The following EYS variants were observed in gnomAD, a reference collection of about 807,000 sequenced individuals.
EYS encodes protein eyes shut homolog.
In EYS, 250 loss-of-function variants were observed where a neutral mutation model predicts 282.1. That is an observed-to-expected ratio of 0.89 (90% CI 0.80 to 0.98). EYS has a LOEUF of 0.98. Among genes scored for constraint, EYS ranks in the 50% least tolerant of loss-of-function variants. The pLI is 0.00. For synonymous variants in EYS, 1,355 were observed against 1,282.9 expected (o/e 1.06, Z -1.20); for missense variants, 4,016 against 3,709.0 (o/e 1.08, Z -2.15).
chr6:64,705,600 G>T (rs1770976025), intron 22 of EYS, among the ~76,000 whole-genome samples: 1 of 151,690 alleles, frequency 6.6e-6, no homozygotes, highest in Non-Finnish European at 1.5e-5. Flanking sequence ...ATGATAGACT[G>T]GGTTAAGAAA....
chr6:64,267,943 C>A (rs748305443), intron 30 of EYS, among the ~76,000 whole-genome samples: 1 of 152,032 alleles, frequency 6.6e-6, no homozygotes, highest in Non-Finnish European at 1.5e-5. Context: ...TGAACTGACA[C>A]CCTTTTTTTG....
intron 2 of EYS, among the ~76,000 whole-genome samples, chr6:65,553,183 T>C (rs1227065885): frequency 2.6e-5 from 4 of 152,162 alleles, no homozygotes; most frequent in African/African-American, 9.7e-5. Context: ...CCTAAAATGA[T>C]AACCTGACAT....
rs192013281 is a variant in EYS at position 64,340,476 on chromosome 6, G to A, written c.6079-33394C>T. Among the ~76,000 whole-genome samples, 260 of 151,816 alleles carry A rather than the reference G, an allele frequency of 1.7e-3. 2 individuals carry two copies. The highest frequency in any genetic ancestry group is 6.1e-3 in the African/African-American group (253 of 41,508). ...ACAAAAATGAGCAATGGAGAAAGAT[G>A]TCCATATTCAATAAATGGTGCTGGG... is the stretch of plus-strand genomic sequence containing the variant. On this transcript the variant is annotated intron_variant, in intron 29 of 42. Transcript: ENST00000503581.
At chr6:65,635,589 C>T (rs1372387309) in intron 2 of EYS, among the ~76,000 whole-genome samples, 1 of 152,194 alleles carries the variant, frequency 6.6e-6, no homozygotes, top group Non-Finnish European at 1.5e-5. Flanking sequence ...ACAAGGATTA[C>T]AGGCACGAGC....
chr6:65,077,118 C>T (rs1012396127), intron 12 of EYS, among the ~76,000 whole-genome samples: 2 of 152,026 alleles, frequency 1.3e-5, no homozygotes, highest in African/African-American at 2.4e-5. Context: ...GCAGTATAGT[C>T]TCATACACAA....
intron 29 of EYS, among the ~76,000 whole-genome samples, chr6:64,358,721 G>A (rs1321497990): frequency 6.6e-6 from 1 of 151,618 alleles, no homozygotes. Flanking sequence ...GTTGAGTTGA[G>A]ACAGTATCTA....
At chr6:64,855,782 T>G (rs1766040580) in intron 19 of EYS, among the ~76,000 whole-genome samples, 1 of 152,156 alleles carries the variant, frequency 6.6e-6, no homozygotes, top group Non-Finnish European at 1.5e-5. Flanking sequence ...ACCACTTTCC[T>G]CCCCTCCCAC....
chr6:65,142,479 AACACACACACAC>A (rs71268364), intron 12 of EYS, among the ~76,000 whole-genome samples: 208 of 135,002 alleles, frequency 1.5e-3, no homozygotes, highest in South Asian at 5.9e-3. Flanking sequence ...AGAAATACAA[AACACACACACAC>A]ACACACACAC....
At chr6:64,614,399 CA>C (rs1008540914) in intron 24 of EYS, among the ~76,000 whole-genome samples, 5 of 151,550 alleles carry the variant, frequency 3.3e-5, no homozygotes, top group African/African-American at 9.7e-5. Context: ...CACTAAAAGC[CA>C]AAAAAATAGA....
intron 31 of EYS, among the ~76,000 whole-genome samples, chr6:64,221,705 C>A (rs187935101): frequency 6.6e-6 from 1 of 152,016 alleles, no homozygotes; most frequent in Non-Finnish European, 1.5e-5. Context: ...AATTGCACAC[C>A]TTTCTGAGTA....
intron 12 of EYS, among the ~76,000 whole-genome samples, chr6:65,253,722 A>G (rs1296433252): frequency 6.6e-6 from 1 of 151,906 alleles, no homozygotes; most frequent in African/African-American, 2.4e-5. Flanking sequence ...TTTGAGCTAG[A>G]TTCATAAAAA....
chr6:65,284,145 C>T (rs570625871), intron 12 of EYS, among the ~76,000 whole-genome samples: 62 of 152,192 alleles, frequency 4.1e-4, no homozygotes, highest in African/African-American at 1.4e-3. Context: ...AGCCTCTGTT[C>T]TGTTGCTAGG....
Position 64,371,324 on chromosome 6 carries a change from G to T in EYS, c.6078+17366C>A, listed in dbSNP as rs200490132. Among the ~76,000 whole-genome samples the T allele has an allele frequency of 1.5e-3, 214 of 143,116 alleles. 1 individual carries two copies. Among genetic ancestry groups the T allele is most frequent in the African/African-American group, 1.8e-3 (71 of 39,162 alleles). 93.9% of individuals were successfully genotyped at this position (143,116 alleles called of 152,430 possible). ...TGATTTCTATGTAATTTTATGGTTG[G>T]TTTTTTTTTTTTGCATTGGTTTCTA... On this transcript the variant is annotated intron_variant, in intron 29 of 42. Transcript: ENST00000503581.
chr6:65,044,398 T>C (rs572321800), intron 13 of EYS, among the ~76,000 whole-genome samples: 1 of 151,860 alleles, frequency 6.6e-6, no homozygotes, highest in African/African-American at 2.4e-5. Flanking sequence ...ATCCCATTTG[T>C]CTAATTTTGC....
intron 26 of EYS, among the ~76,000 whole-genome samples, chr6:64,455,513 G>T (rs1775529182): frequency 6.6e-6 from 1 of 151,966 alleles, no homozygotes; most frequent in Non-Finnish European, 1.5e-5. Flanking sequence ...GTAGACATGT[G>T]CCATGGTGGT....
chr6:64,255,086 G>A (rs1555225), intron 30 of EYS, among the ~76,000 whole-genome samples: 104,511 of 151,886 alleles, frequency 0.69, 35,979 homozygotes, highest in South Asian at 0.71. Flanking sequence ...AAGATGGAAG[G>A]AAGTGAGGTT....
At chr6:65,670,444 T>G (rs1768356614) in intron 1 of EYS, among the ~76,000 whole-genome samples, 1 of 152,074 alleles carries the variant, frequency 6.6e-6, no homozygotes, top group Non-Finnish European at 1.5e-5. Context: ...AAATAGTTAT[T>G]TCATTGAAAT....
chr6:65,363,095 C>T (rs9445525), intron 8 of EYS, among the ~76,000 whole-genome samples: 99,822 of 149,274 alleles, frequency 0.67, 34,526 homozygotes, highest in South Asian at 0.71. Context: ...ACTACATAGA[C>T]TTGCATGCCA....
At chr6:64,301,686 G>T (rs763653461) in intron 30 of EYS, among the ~76,000 whole-genome samples, 1 of 152,098 alleles carries the variant, frequency 6.6e-6, no homozygotes, top group Non-Finnish European at 1.5e-5. Context: ...CTCTGATTAC[G>T]CAGGCCATGT....
Sources: gnomAD v4.1 joint callset for allele counts (sites outside exome capture counted in the v4.1 genomes callset) on GRCh38, gnomAD v4.1.1 for gene constraint, MANE v1.5 for transcripts, NCBI Gene and HGNC (gene_info 2026-07-23, HGNC 2026-07-21) for gene names.